TTLL11: variants seen among roughly 807,000 people sequenced by gnomAD.
TTLL11 encodes the protein tubulin polyglutamylase TTLL11.
A neutral mutation model predicts 51.7 loss-of-function variants in TTLL11; 42 were observed. The observed-to-expected ratio is 0.81, with a 90% CI of 0.64 to 1.05. The LOEUF is 1.05. TTLL11 is among the 50% of genes least tolerant of loss of function. The probability of loss-of-function intolerance (pLI) is 0.00; values close to 1 mark genes in which losing one functional copy is unlikely to be tolerated. For synonymous variants in TTLL11, 381 were observed against 383.5 expected, an observed-to-expected ratio of 0.99 and a Z score of 0.08; for missense variants, 799 against 940.4, an observed-to-expected ratio of 0.85 and a Z score of 1.97.
chr9:121,974,378 G>A (rs1163773644), intron 5 of TTLL11, among the ~76,000 whole-genome samples: 3 of 152,006 alleles, frequency 2.0e-5, no homozygotes, highest in Non-Finnish European at 4.4e-5. Flanking sequence ...AAAAAATTAA[G>A]AAATATAGAA....
At chr9:122,071,885 T>C (rs1218350000) in intron 1 of TTLL11, among the ~76,000 whole-genome samples, 5 of 152,226 alleles carry the variant, frequency 3.3e-5, no homozygotes, top group Admixed American at 3.3e-4. Context: ...CAGTGCTTAC[T>C]GGACACCAGC....
rs1476660145 is a variant in TTLL11 at position 121,974,070 on chromosome 9, C to T, written c.1420G>A (p.Val474Met). 5 of 1,551,650 alleles carry T rather than the reference C, an allele frequency of 3.2e-6. No homozygotes were observed. The highest frequency in any genetic ancestry group is 4.4e-6 in the Non-Finnish European group (5 of 1,147,008). Residue 474 changes from valine to methionine, a missense_variant, in exon 6 of 9, where the codon GTG (valine) becomes ATG (methionine). Val to Met is a conservative substitution (Grantham distance 21). Transcript: ENST00000321582. ...CGCAGAGTGTCTCTGATCACAGCCACTTTCACTTCTTCATCAACGAGGCTG... is the reference window on the plus strand; with the variant it reads ...CGCAGAGTGTCTCTGATCACAGCCATTTTCACTTCTTCATCAACGAGGCTG... ...VPSLVDEEVKVAVIRDTLRLM... is the reference protein window; with the variant it reads ...VPSLVDEEVKMAVIRDTLRLM...
At position 121,910,191 on chromosome 9, in the gene TTLL11, G is replaced by A. The variant is rs79611896; in HGVS notation, c.1482-39443C>T. On this transcript the variant is annotated intron_variant, in intron 6 of 8. Transcript: ENST00000321582. ...CGCTTTGCAGACACAAGGGAGAAGA[G>A]CAGCAATAGGTGTCCTGGGGAAAAT... Among the ~76,000 whole-genome samples the A allele has an allele frequency of 4.1e-4, 63 of 152,336 alleles. 2 individuals carry two copies. The East Asian group carries it at 0.01, about 24-fold the overall frequency.
chr9:121,824,867 T>G (rs967274805), intron 8 of TTLL11, among the ~76,000 whole-genome samples: 1 of 152,192 alleles, frequency 6.6e-6, no homozygotes, highest in Admixed American at 6.5e-5. Context: ...GTTTGTAGAT[T>G]ACAGGTTACA....
intron 8 of TTLL11, among the ~76,000 whole-genome samples, chr9:121,838,612 A>T (rs1409671868): frequency 6.6e-6 from 1 of 152,140 alleles, no homozygotes; most frequent in African/African-American, 2.4e-5. Context: ...CCAGCTACTC[A>T]GGAGGCTGAA....
chr9:121,947,376 C>G (rs1841705844), intron 6 of TTLL11, among the ~76,000 whole-genome samples: 1 of 152,164 alleles, frequency 6.6e-6, no homozygotes. Flanking sequence ...CCTTCAATTT[C>G]AGGAAGCAGC....
At chr9:122,051,950 C>T (rs1452939821) in intron 1 of TTLL11, among the ~76,000 whole-genome samples, 1 of 151,962 alleles carries the variant, frequency 6.6e-6, no homozygotes, top group Non-Finnish European at 1.5e-5. Context: ...AAAAACATAG[C>T]ACAGAAAAGT....
chr9:122,074,512 G>T (rs1457609866), intron 1 of TTLL11, among the ~76,000 whole-genome samples: 2 of 152,008 alleles, frequency 1.3e-5, no homozygotes, highest in Non-Finnish European at 2.9e-5. Context: ...TATTTGGGTG[G>T]TTTTTTTATT....
At chr9:121,929,650 G>T (rs1385175012) in intron 6 of TTLL11, among the ~76,000 whole-genome samples, 2 of 152,218 alleles carry the variant, frequency 1.3e-5, no homozygotes. Flanking sequence ...CTGTGCAGGG[G>T]TCTTGTGCTG....
At position 121,860,443 on chromosome 9, in the gene TTLL11, C is replaced by T. The variant is rs1259450258; in HGVS notation, c.1734G>A (p.Arg578=). 2 of 1,550,256 alleles carry T rather than the reference C, an allele frequency of 1.3e-6. No individual in the cohort carries two copies. Among genetic ancestry groups the T allele is most frequent in the East Asian group, 2.4e-5 (1 of 40,920 alleles). The change falls in exon 8 of 9, where the codon AGG becomes AGA. Residue 578 remains arginine, a splice_region_variant and synonymous_variant. Coordinates refer to ENST00000321582, the MANE Select transcript of TTLL11 (RefSeq NM_001139442.2). ...LGPTGFRTFI[R]SCKLSSSSLS... ...GGCTGCTGCTGCTGAGTTTGCAGCT[C>T]CTGCCAACAATGGGAAGTGACATGT... is the stretch of plus-strand genomic sequence containing the variant.
chr9:121,973,594 G>C (rs906334683), intron 6 of TTLL11, among the ~76,000 whole-genome samples: 1 of 151,712 alleles, frequency 6.6e-6, no homozygotes, highest in Admixed American at 6.6e-5. Context: ...GGCCTGTTGT[G>C]GGGTCAGGGG....
chr9:122,020,993 A>G (rs375075159), intron 3 of TTLL11, among the ~76,000 whole-genome samples: 36 of 152,346 alleles, frequency 2.4e-4, no homozygotes, highest in African/African-American at 8.7e-4. Flanking sequence ...AAATGTTGCT[A>G]TTGTTATTGT....
At chr9:121,857,272 C>A (rs1837855064) in intron 8 of TTLL11, among the ~76,000 whole-genome samples, 1 of 152,218 alleles carries the variant, frequency 6.6e-6, no homozygotes, top group African/African-American at 2.4e-5. Context: ...CTGCTGCCGT[C>A]CCCTCTGACT....
intron 6 of TTLL11, among the ~76,000 whole-genome samples, chr9:121,967,397 G>A (rs2131639610): frequency 6.6e-6 from 1 of 151,788 alleles, no homozygotes; most frequent in South Asian, 2.1e-4. Context: ...GCTAATTTTT[G>A]TATTTTTAGT....
At chr9:121,938,459 C>G (rs34197715) in intron 6 of TTLL11, among the ~76,000 whole-genome samples, 3,455 of 152,186 alleles carry the variant, frequency 0.023, 56 homozygotes, top group Non-Finnish European at 0.038. Flanking sequence ...TTCAAAACTT[C>G]TATTTATCAA....
intron 1 of TTLL11, among the ~76,000 whole-genome samples, chr9:122,066,136 G>C (rs1196314744): frequency 6.6e-6 from 1 of 152,074 alleles, no homozygotes; most frequent in Non-Finnish European, 1.5e-5. Flanking sequence ...AATGATAGCA[G>C]ACTACAGACT....
rs1189626793 is a variant in TTLL11, at chr9:121,826,557, G to GTGTATA, written c.1841-3679_1841-3678insTATACA. 7.9e-3 allele frequency among the ~76,000 whole-genome samples: 407 copies of GTGTATA among 51,334 alleles called. 26 individuals are homozygous for GTGTATA. Among genetic ancestry groups the GTGTATA allele is most frequent in the African/African-American group, 0.027 (386 of 14,190 alleles). 33.7% of individuals were successfully genotyped at this position (51,334 alleles called of 152,430 possible). A position where few individuals can be genotyped will look rare whatever the true frequency, so the allele number is the denominator to read the frequency against. ...TGTGTGTATATATATATATGTGTGT[G>GTGTATA]TATATATATATATATATATATATAT... On this transcript the variant is annotated intron_variant, in intron 8 of 8. Transcript: ENST00000321582.
chr9:122,071,521 C>A (rs1483360570), intron 1 of TTLL11, among the ~76,000 whole-genome samples: 2 of 152,154 alleles, frequency 1.3e-5, no homozygotes, highest in Non-Finnish European at 2.9e-5. Flanking sequence ...TTGGGCCACT[C>A]CCTCAGCAGA....
intron 8 of TTLL11, among the ~76,000 whole-genome samples, chr9:121,846,654 T>C (rs559990260): frequency 2.6e-5 from 4 of 152,210 alleles, no homozygotes; most frequent in Non-Finnish European, 5.9e-5. Flanking sequence ...CCCCAGATAT[T>C]TGGAGAATAA....
Sources: gnomAD v4.1 joint callset for allele counts (sites outside exome capture counted in the v4.1 genomes callset) on GRCh38, gnomAD v4.1.1 for gene constraint, MANE v1.5 for transcripts, NCBI Gene and HGNC (gene_info 2026-07-23, HGNC 2026-07-21) for gene names.